Variants in KCNQ5 observed in about 807,000 individuals in gnomAD.
The protein encoded by KCNQ5 is potassium voltage-gated channel subfamily KQT member 5.
A neutral mutation model predicts 98.2 loss-of-function variants in KCNQ5; 30 were observed. The observed-to-expected ratio is 0.31, with a 90% CI of 0.23 to 0.41. The LOEUF (loss-of-function observed/expected upper bound fraction) is 0.41. Ranked by LOEUF, KCNQ5 falls within the 10% of genes least tolerant of loss-of-function variation. The pLI, the probability that KCNQ5 is intolerant of heterozygous loss-of-function variation, is 1.00. For missense variants in KCNQ5, 835 were observed against 1,182.5 expected (o/e 0.71, Z 4.31); for synonymous variants, 458 against 449.4 (o/e 1.02, Z -0.24).
Position 73,111,370 on chromosome 6 carries a change from G to A in KCNQ5, c.1092G>A (p.Glu364=). Residue 364 remains glutamate, a synonymous_variant, in exon 7 of 14, where the codon GAG becomes GAA. Transcript: ENST00000370398. ...AACAACACCGCCAGAAACACTTTGA[G>A]AAAAGAAGGAACCCAGCTGCCAACC... The part of the protein sequence containing the change: ...VQEQHRQKHF[E]KRRNPAANLI... 6.2e-7 allele frequency: 1 copy of A among 1,611,292 alleles called. No individual in the cohort carries two copies. Among genetic ancestry groups the A allele is most frequent in the Non-Finnish European group, 8.5e-7 (1 of 1,179,262 alleles).
chr6:72,950,245 G>T (rs181937281), intron 1 of KCNQ5, among the ~76,000 whole-genome samples: 1 of 152,274 alleles, frequency 6.6e-6, no homozygotes, highest in East Asian at 1.9e-4. Context: ...AGCGTATTCA[G>T]TATCATTTCT....
At chr6:72,724,749 C>T (rs1372976044) in intron 1 of KCNQ5, among the ~76,000 whole-genome samples, 7 of 152,180 alleles carry the variant, frequency 4.6e-5, no homozygotes, top group Non-Finnish European at 8.8e-5. Context: ...ATGAAGCCCA[C>T]ATTACTTTAT....
chr6:72,672,257 C>T (rs956302646), intron 1 of KCNQ5, among the ~76,000 whole-genome samples: 10 of 151,878 alleles, frequency 6.6e-5, no homozygotes, highest in African/African-American at 2.2e-4. Context: ...AGGACCACGC[C>T]TGGCTAATTT....
At chr6:72,735,512 C>A (rs1204341918) in intron 1 of KCNQ5, among the ~76,000 whole-genome samples, 1 of 152,006 alleles carries the variant, frequency 6.6e-6, no homozygotes, top group Non-Finnish European at 1.5e-5. Flanking sequence ...CTTAATAATG[C>A]ACTAAATATA....
chr6:72,734,733 T>C (rs538901251), intron 1 of KCNQ5, among the ~76,000 whole-genome samples: 2 of 152,316 alleles, frequency 1.3e-5, no homozygotes, highest in South Asian at 4.1e-4. Flanking sequence ...AATTTATATA[T>C]CACAAACTAC....
chr6:72,638,506 T>A (rs2098925442), intron 1 of KCNQ5, among the ~76,000 whole-genome samples: 1 of 152,158 alleles, frequency 6.6e-6, no homozygotes, highest in Non-Finnish European at 1.5e-5. Flanking sequence ...TAAATAAGAA[T>A]AATCAAACCA....
At chr6:73,160,948 C>G (rs1777596706) in intron 10 of KCNQ5, among the ~76,000 whole-genome samples, 2 of 152,074 alleles carry the variant, frequency 1.3e-5, no homozygotes, top group African/African-American at 2.4e-5. Context: ...ATCATTTCAT[C>G]AAGAAATGCA....
chr6:72,732,738 G>A (rs1351863062), intron 1 of KCNQ5, among the ~76,000 whole-genome samples: 1 of 152,208 alleles, frequency 6.6e-6, no homozygotes, highest in East Asian at 1.9e-4. Flanking sequence ...GTGAGAATGG[G>A]TTGGAGGTCA....
chr6:72,653,345 G>A (rs1167682070), intron 1 of KCNQ5, among the ~76,000 whole-genome samples: 2 of 151,868 alleles, frequency 1.3e-5, no homozygotes, highest in Non-Finnish European at 1.5e-5. Flanking sequence ...TTTTCCATTA[G>A]TGTCTGCTTA....
intron 5 of KCNQ5, among the ~76,000 whole-genome samples, chr6:73,103,360 T>G (rs984814430): frequency 3.3e-4 from 50 of 152,088 alleles, no homozygotes; most frequent in Non-Finnish European, 6.2e-4. Flanking sequence ...CTGGAAACCA[T>G]CATTCTCAGC....
At chr6:73,082,237 A>C (rs1404836518) in intron 5 of KCNQ5, among the ~76,000 whole-genome samples, 2 of 152,220 alleles carry the variant, frequency 1.3e-5, no homozygotes, top group African/African-American at 4.8e-5. Context: ...GGCAGCTGCC[A>C]GCTTCTCAGT....
intron 1 of KCNQ5, among the ~76,000 whole-genome samples, chr6:72,835,838 A>G (rs570283623): frequency 6.6e-6 from 1 of 152,302 alleles, no homozygotes; most frequent in Admixed American, 6.5e-5. Flanking sequence ...ACTCCATTTT[A>G]CTATTGTAAC....
chr6:73,115,347 G>A (rs1775448101), intron 7 of KCNQ5, among the ~76,000 whole-genome samples: 1 of 152,136 alleles, frequency 6.6e-6, no homozygotes. Context: ...CAGCTCAAGT[G>A]CAGGGAAACT....
At chr6:72,927,963 A>T (rs563536641) in intron 1 of KCNQ5, among the ~76,000 whole-genome samples, 1 of 152,222 alleles carries the variant, frequency 6.6e-6, no homozygotes, top group South Asian at 2.1e-4. Context: ...TTACAGGAAG[A>T]AAAACATGTG....
At chr6:73,148,437 T>C (rs1439836729) in intron 10 of KCNQ5, among the ~76,000 whole-genome samples, 1 of 152,204 alleles carries the variant, frequency 6.6e-6, no homozygotes, top group East Asian at 1.9e-4. Flanking sequence ...GAATTAGTGT[T>C]TCTGAATGTT....
intron 3 of KCNQ5, chr6:73,055,971 C>G: frequency 2.5e-6 from 1 of 401,552 alleles, no homozygotes; most frequent in South Asian, 2.2e-5. Flanking sequence ...AGATGGGGAC[C>G]GGTGGCTCCC....
chr6:72,928,872 C>G (rs1002317080), intron 1 of KCNQ5, among the ~76,000 whole-genome samples: 1 of 152,092 alleles, frequency 6.6e-6, no homozygotes, highest in South Asian at 2.1e-4. Context: ...ATTCTTCACT[C>G]AACCACCCAG....
rs557297459 is a variant in KCNQ5 at position 72,674,114 on chromosome 6, TAGTA to T, written c.398+51531_398+51534del. 1.2e-4 allele frequency among the ~76,000 whole-genome samples: 19 copies of T among 152,326 alleles called. No individual in the cohort carries two copies. The East Asian group carries it at 2.9e-3, about 23-fold the overall frequency. ...TTAAAAATTGAGACTGTACCGTGAA[TAGTA>T]AGTGTCACTGTGGATCCTTTTTGGA... On this transcript the variant is annotated intron_variant, in intron 1 of 13. Coordinates refer to ENST00000370398, the MANE Select transcript of KCNQ5 (RefSeq NM_019842.4).
rs9446778 is a variant in KCNQ5 at position 72,877,749 on chromosome 6, A to G, written c.399-126159A>G. 4.7e-3 allele frequency among the ~76,000 whole-genome samples: 719 copies of G among 152,230 alleles called. 5 individuals carry two copies. The highest frequency in any genetic ancestry group is 0.017 in the African/African-American group (691 of 41,542). ...TCTGTTGTTTCCTGACTTTTTAATG[A>G]TTGCCATTCTAACTGGAATGAGATG... On this transcript the variant is annotated intron_variant, in intron 1 of 13. Coordinates refer to ENST00000370398, the MANE Select transcript of KCNQ5 (RefSeq NM_019842.4).
Sources: allele counts gnomAD v4.1 joint callset (sites outside exome capture counted in the v4.1 genomes callset), GRCh38; gene constraint gnomAD v4.1.1; transcripts MANE v1.5; gene names NCBI Gene and HGNC (gene_info 2026-07-23, HGNC 2026-07-21).